ERBB4: variants seen among roughly 807,000 people sequenced by gnomAD.
ERBB4 encodes receptor tyrosine-protein kinase erbB-4.
In ERBB4, 42 loss-of-function variants were observed where a neutral mutation model predicts 158.0. That is an observed-to-expected ratio of 0.27 (90% CI 0.21 to 0.34). The LOEUF is 0.34. Ranked by LOEUF, ERBB4 falls within the 10% of genes least tolerant of loss-of-function variation. The pLI is 1.00. For synonymous variants in ERBB4, 583 were observed against 558.7 expected (o/e 1.04, Z -0.61); for missense variants, 1,333 against 1,624.1 (o/e 0.82, Z 3.08).
chr2:212,398,100 ATATGTGTGTG>A (rs2091082713), intron 1 of ERBB4, among the ~76,000 whole-genome samples: 3 of 91,626 alleles, frequency 3.3e-5, no homozygotes, highest in African/African-American at 2.0e-4. Context: ...TGATACATAT[ATATGTGTGTG>A]TGTGTGTGTG....
At chr2:212,061,387 A>AGGTTGCAGTGAGCCGCGAT (rs1440243264) in intron 2 of ERBB4, among the ~76,000 whole-genome samples, 3 of 122,002 alleles carry the variant, frequency 2.5e-5, no homozygotes, top group African/African-American at 9.4e-5. Context: ...CAGGAGGGGG[A>AGGTTGCAGTGAGCCGCGAT]GGTTGCAGTG....
At chr2:212,091,609 C>T (rs906479151) in intron 2 of ERBB4, among the ~76,000 whole-genome samples, 1 of 151,900 alleles carries the variant, frequency 6.6e-6, no homozygotes, top group Non-Finnish European at 1.5e-5. Context: ...TGGAAAGGAA[C>T]AAAGGGCTTA....
intron 1 of ERBB4, among the ~76,000 whole-genome samples, chr2:212,252,968 T>A (rs961020533): frequency 2.6e-5 from 4 of 152,122 alleles, no homozygotes; most frequent in African/African-American, 4.8e-5. Context: ...GTGGGAAAAT[T>A]TGCATAACAT....
In ERBB4 at chr2:211,424,056, CG is replaced by C. The variant is rs983067089; in HGVS notation, c.2866+98del. On this transcript the variant is annotated intron_variant, in intron 23 of 27. Transcript: ENST00000342788. ...CCTTTCATAATTGTTTTTGAACTGT[CG>C]TATTTTTCAATACAGAGAAATGTTG... 7.5e-6 allele frequency: 9 copies of C among 1,203,680 alleles called. No homozygotes were observed. In the African/African-American group the frequency reaches 1.2e-4, roughly 16 times the overall value. The allele number at this position is 1,203,680 out of a possible 1,614,324, so 74.6% of individuals were successfully genotyped here.
At chr2:211,970,673 T>C (rs2081427257) in intron 2 of ERBB4, among the ~76,000 whole-genome samples, 1 of 152,186 alleles carries the variant, frequency 6.6e-6, no homozygotes, top group African/African-American at 2.4e-5. Flanking sequence ...TTGAAGTCTG[T>C]TTTGGTAAAA....
intron 1 of ERBB4, among the ~76,000 whole-genome samples, chr2:212,221,956 T>C (rs2083303623): frequency 6.6e-6 from 1 of 151,578 alleles, no homozygotes; most frequent in Non-Finnish European, 1.5e-5. Context: ...ATTCTCTTTT[T>C]CAAAGTATCC....
At chr2:212,325,021 A>ACC (rs2087760349) in intron 1 of ERBB4, among the ~76,000 whole-genome samples, 3 of 149,460 alleles carry the variant, frequency 2.0e-5, no homozygotes, top group East Asian at 2.0e-4. Flanking sequence ...AGCAACCCAA[A>ACC]AAAAAACTCT....
intron 20 of ERBB4, among the ~76,000 whole-genome samples, chr2:211,466,751 T>A: frequency 6.6e-6 from 1 of 152,096 alleles, no homozygotes; most frequent in East Asian, 1.9e-4. Flanking sequence ...CACAAAGCCA[T>A]CAAATGAGGA....
intron 3 of ERBB4, among the ~76,000 whole-genome samples, chr2:211,944,110 A>ATATATATATATATATATACATGGTTACAC (rs2125128480): frequency 2.9e-5 from 2 of 68,642 alleles, no homozygotes; most frequent in Non-Finnish European, 5.1e-5. Context: ...TGGTTACACT[A>ATATATATATATATATATACATGGTTACAC]TATATATATA....
Position 212,446,620 on chromosome 2 carries a change from T to C in ERBB4, c.82+91829A>G, listed in dbSNP as rs1490368990. Among the ~76,000 whole-genome samples, 4 of 81,258 alleles carry C rather than the reference T, an allele frequency of 4.9e-5. 1 individual carries two copies. The East Asian group carries it at 1.5e-3, about 29-fold the overall frequency. The allele number at this position is 81,258 out of a possible 152,430, so 53.3% of individuals were successfully genotyped here. ...ATATATATATATATATATATATATA[T>C]ATATATATATATATATATCCTATTA... is the stretch of plus-strand genomic sequence containing the variant. On this transcript the variant is annotated intron_variant, in intron 1 of 27. Coordinates refer to ENST00000342788, the MANE Select transcript of ERBB4 (RefSeq NM_005235.3).
chr2:211,939,966 AAT>A (rs66854420), intron 3 of ERBB4, among the ~76,000 whole-genome samples: 12,085 of 137,372 alleles, frequency 0.088, 546 homozygotes, highest in African/African-American at 0.12. Context: ...GGAAAAAAAA[AAT>A]ATATATATAT....
At chr2:211,973,261 G>C (rs1272935560) in intron 2 of ERBB4, among the ~76,000 whole-genome samples, 1 of 151,456 alleles carries the variant, frequency 6.6e-6, no homozygotes, top group Non-Finnish European at 1.5e-5. Flanking sequence ...GAGTGCAGTG[G>C]CGGGATCTCA....
At chr2:212,510,460 C>T (rs959302032) in intron 1 of ERBB4, among the ~76,000 whole-genome samples, 11 of 151,772 alleles carry the variant, frequency 7.2e-5, no homozygotes, top group African/African-American at 1.9e-4. Flanking sequence ...TCACATCCCA[C>T]TTTTCTGTTT....
intron 3 of ERBB4, among the ~76,000 whole-genome samples, chr2:211,915,427 T>C (rs1470484574): frequency 7.6e-6 from 1 of 131,264 alleles, no homozygotes; most frequent in Non-Finnish European, 1.6e-5. Context: ...ACTAACAGAG[T>C]TCAAACATTA....
chr2:211,464,593 AAGT>A (rs1301960736), intron 20 of ERBB4, among the ~76,000 whole-genome samples: 29 of 152,274 alleles, frequency 1.9e-4, no homozygotes, highest in Admixed American at 1.9e-3. Flanking sequence ...TCAATTTAAA[AAGT>A]ACGTCACTAA....
chr2:211,490,262 G>A (rs62178799), intron 20 of ERBB4, among the ~76,000 whole-genome samples: 12,124 of 151,674 alleles, frequency 0.08, 503 homozygotes, highest in Middle Eastern at 0.13. Context: ...TGTATTATAC[G>A]TCTATTCATT....
intron 1 of ERBB4, among the ~76,000 whole-genome samples, chr2:212,398,667 A>G (rs1232231500): frequency 2.0e-5 from 3 of 152,178 alleles, no homozygotes; most frequent in African/African-American, 7.2e-5. Flanking sequence ...TACTAAAACA[A>G]TTGTATTTGT....
At chr2:212,082,534 T>G (rs2078478428) in intron 2 of ERBB4, among the ~76,000 whole-genome samples, 1 of 152,050 alleles carries the variant, frequency 6.6e-6, no homozygotes, top group Non-Finnish European at 1.5e-5. Context: ...TTTTTTAAAT[T>G]AAAGACTATC....
chr2:212,140,824 C>T (rs953752428), intron 1 of ERBB4, among the ~76,000 whole-genome samples: 1 of 149,702 alleles, frequency 6.7e-6, no homozygotes, highest in Admixed American at 6.7e-5. Context: ...CAATTTCCCA[C>T]CTGAATAGAC....
Sources: allele counts gnomAD v4.1 joint callset (sites outside exome capture counted in the v4.1 genomes callset), GRCh38; gene constraint gnomAD v4.1.1; transcripts MANE v1.5; gene names NCBI Gene and HGNC (gene_info 2026-07-23, HGNC 2026-07-21).